CSDC2: variants seen among roughly 807,000 people sequenced by gnomAD.
The protein encoded by CSDC2 is cold shock domain-containing protein C2.
Under a neutral mutation model 15.8 loss-of-function variants are expected in CSDC2, and 8 were observed. That is an observed-to-expected ratio of 0.51 (90% confidence interval 0.30 to 0.92). The LOEUF (loss-of-function observed/expected upper bound fraction) is 0.92. Ranked by LOEUF, CSDC2 falls within the 40% of genes least tolerant of loss-of-function variation. The pLI is 0.07. For synonymous variants in CSDC2, 96 were observed against 92.3 expected (o/e 1.04, Z -0.23); for missense variants, 195 against 213.3 (o/e 0.91, Z 0.53).
Position 41,574,846 on chromosome 22 carries a change from C to A in CSDC2, c.413C>A (p.Ala138Asp), listed in dbSNP as rs779530106. The A allele has an allele frequency of 6.2e-7, 1 of 1,611,190 alleles. No individual in the cohort carries two copies. The highest frequency in any genetic ancestry group is 8.5e-7 in the Non-Finnish European group (1 of 1,178,940). The change falls in exon 4 of 4, where the codon GCC (alanine) becomes GAC (aspartate). Residue 138 changes from alanine (A) to aspartate (D), a missense_variant. Ala to Asp is a moderately radical substitution (Grantham distance 126). Coordinates refer to ENST00000306149, the MANE Select transcript of CSDC2 (RefSeq NM_014460.4). Reference protein sequence around the residue: ...QAVEVVLTQLAPHTPHETWSG... With the variant: ...QAVEVVLTQLDPHTPHETWSG... ...GTGGAGGTGGTGCTCACTCAGCTGG[C>A]CCCCCACACTCCCCACGAGACGTGG...
chr22:41,564,896 G>A (rs1449329118), intron 1 of CSDC2, among the ~76,000 whole-genome samples: 1 of 152,122 alleles, frequency 6.6e-6, no homozygotes, highest in Non-Finnish European at 1.5e-5. Flanking sequence ...AGTCAGGCGC[G>A]GTGGCTCACA....
intron 1 of CSDC2, among the ~76,000 whole-genome samples, chr22:41,563,796 G>A (rs1373690921): frequency 6.6e-6 from 1 of 152,060 alleles, no homozygotes; most frequent in African/African-American, 2.4e-5. Flanking sequence ...ACTAAGCCAG[G>A]CGCAGTGGCT....
At chr22:41,571,078 C>T (rs1289878480) in intron 1 of CSDC2, among the ~76,000 whole-genome samples, 3 of 151,704 alleles carry the variant, frequency 2.0e-5, no homozygotes, top group South Asian at 2.1e-4. Flanking sequence ...ATGCGCTGGA[C>T]GAGTTGGCTC....
chr22:41,567,458 C>T (rs1406022155), intron 1 of CSDC2, among the ~76,000 whole-genome samples: 1 of 152,246 alleles, frequency 6.6e-6, no homozygotes, highest in Non-Finnish European at 1.5e-5. Context: ...ACATGGCATT[C>T]AGCCAATGAA....
At chr22:41,561,212 C>G (rs12484315) in intron 1 of CSDC2, 29 bp downstream of exon 1, 5,881 of 152,686 alleles carry the variant, frequency 0.039, 550 homozygotes, top group Admixed American at 0.22. Context: ...CCTGAGGACA[C>G]TGTGCCAGAA....
Position 41,574,825 on chromosome 22 carries a change from A to G in CSDC2, c.392A>G (p.Glu131Gly). The change falls in exon 4 of 4, where the codon GAG becomes GGG. Residue 131 changes from glutamate to glycine, a missense_variant. Coordinates refer to ENST00000306149, the MANE Select transcript of CSDC2 (RefSeq NM_014460.4). ...PPKNQKFQAV[E>G]VVLTQLAPHT... is the part of the protein sequence containing the mutation. ...AAGAACCAGAAGTTCCAGGCCGTGG[A>G]GGTGGTGCTCACTCAGCTGGCCCCC... The G allele has an allele frequency of 6.2e-7, 1 of 1,613,270 alleles. No homozygotes were observed. The highest frequency in any genetic ancestry group is 8.5e-7 in the Non-Finnish European group (1 of 1,179,832).
intron 1 of CSDC2, among the ~76,000 whole-genome samples, chr22:41,563,860 G>C: frequency 1.3e-5 from 2 of 151,410 alleles, no homozygotes; most frequent in South Asian, 4.2e-4. Flanking sequence ...TCACGAGGTC[G>C]GGAGATCGAG....
In CSDC2 at chr22:41,566,466, A is replaced by AC. The variant is rs1414333876; in HGVS notation, c.-124+5283_-124+5284insC. Reference sequence around the variant, plus strand: ...TAAAAAAAAAAAAAAAAAAAAAAAAAACACACAAAAATTAGCTGGGTGTGG... The same window carrying AC: ...TAAAAAAAAAAAAAAAAAAAAAAAAACACACACAAAAATTAGCTGGGTGTGG... On this transcript the variant is annotated intron_variant, in intron 1 of 3. Transcript: ENST00000306149. Among the ~76,000 whole-genome samples the AC allele has an allele frequency of 1.0e-3, 140 of 133,932 alleles. 11 individuals carry two copies. Among genetic ancestry groups the AC allele is most frequent in the Non-Finnish European group, 1.4e-3 (88 of 63,640 alleles). The allele number at this position is 133,932 out of a possible 152,430, so 87.9% of individuals were successfully genotyped here. A position where few individuals can be genotyped will look rare whatever the true frequency, so the allele number is the denominator to read the frequency against.
At chr22:41,571,559 C>A (rs1057468946) in intron 1 of CSDC2, among the ~76,000 whole-genome samples, 1 of 152,160 alleles carries the variant, frequency 6.6e-6, no homozygotes, top group Non-Finnish European at 1.5e-5. Context: ...AAACAACTGA[C>A]CCTTATGCCG....
intron 1 of CSDC2, among the ~76,000 whole-genome samples, chr22:41,564,014 G>T (rs901259941): frequency 1.3e-5 from 2 of 150,652 alleles, no homozygotes; most frequent in Admixed American, 1.3e-4. Context: ...AACCTGGGAG[G>T]CGGAGCTTGC....
intron 1 of CSDC2, among the ~76,000 whole-genome samples, chr22:41,564,298 C>T (rs907799203): frequency 5.9e-5 from 9 of 151,548 alleles, no homozygotes; most frequent in African/African-American, 2.2e-4. Context: ...CTTGCTGTGT[C>T]GCCCAGGCTG....
At position 41,572,000 on chromosome 22, in the gene CSDC2, C is replaced by T. The variant is rs2067147526; in HGVS notation, c.35C>T (p.Pro12Leu). 1 of 1,364,494 alleles carries T rather than the reference C, an allele frequency of 7.3e-7. No homozygotes were observed. Among genetic ancestry groups the T allele is most frequent in the Non-Finnish European group, 9.5e-7 (1 of 1,057,162 alleles). 84.5% of individuals were successfully genotyped at this position (1,364,494 alleles called of 1,614,324 possible). Residue 12 changes from proline to leucine, a missense_variant, in exon 2 of 4, where the codon CCC (proline) becomes CTC (leucine). Physicochemically the swap from Pro to Leu is moderately conservative, Grantham distance 98 (BLOSUM62 -3). Transcript: ENST00000306149. ...TSESTSPPVV[P>L]PLHSPKSPVW... ...GAGTCGACGTCACCCCCAGTTGTGCCCCCGCTCCACTCCCCCAAGTCCCCA... is the reference window on the plus strand; with the variant it reads ...GAGTCGACGTCACCCCCAGTTGTGCTCCCGCTCCACTCCCCCAAGTCCCCA...
chr22:41,574,339 C>T (rs1234722176), intron 3 of CSDC2, among the ~76,000 whole-genome samples: 1 of 152,240 alleles, frequency 6.6e-6, no homozygotes, highest in Non-Finnish European at 1.5e-5. Context: ...AATCTCGGCT[C>T]AGTGCAACCT....
intron 1 of CSDC2, 126 bp from the exon 2 acceptor site, chr22:41,571,717 G>A (rs1473462444): frequency 5.4e-6 from 2 of 373,054 alleles, no homozygotes; most frequent in Non-Finnish European, 9.5e-6. Context: ...ACCACGATGG[G>A]GTCGTTTGTG....
intron 1 of CSDC2, among the ~76,000 whole-genome samples, chr22:41,562,987 G>A (rs1601989559): frequency 1.3e-5 from 2 of 152,138 alleles, no homozygotes; most frequent in African/African-American, 4.8e-5. Flanking sequence ...AAGCACAGGT[G>A]GGACTGGGGT....
intron 1 of CSDC2, among the ~76,000 whole-genome samples, chr22:41,565,091 G>A (rs942324917): frequency 7.9e-5 from 12 of 151,984 alleles, no homozygotes; most frequent in Non-Finnish European, 1.5e-4. Flanking sequence ...ACTTGAACCC[G>A]GGAGGCAGAG....
intron 1 of CSDC2, among the ~76,000 whole-genome samples, chr22:41,569,288 A>G (rs5996037): frequency 0.26 from 39,377 of 152,066 alleles, 5,883 homozygotes; most frequent in Admixed American, 0.44. Context: ...GATATCGTTC[A>G]TATACCATAA....
At position 41,561,053 on chromosome 22, in the gene CSDC2, C is replaced by G. The variant is rs370966152; in HGVS notation, c.-254C>G. The G allele has an allele frequency of 0.018, 1,979 of 112,440 alleles. 47 individuals carry two copies. Among genetic ancestry groups the G allele is most frequent in the African/African-American group, 0.071 (1,895 of 26,636 alleles). The allele number at this position is 112,440 out of a possible 1,614,324, so 7.0% of individuals were successfully genotyped here. ...CCGCGCGAGCACACACAGACACACA[C>G]ACACACACACACACACACACACACA... On this transcript the variant is annotated 5_prime_UTR_variant, in exon 1 of 4. Transcript: ENST00000306149.
intron 1 of CSDC2, among the ~76,000 whole-genome samples, chr22:41,571,028 A>G (rs1418397646): frequency 3.3e-5 from 5 of 151,666 alleles, no homozygotes; most frequent in African/African-American, 7.3e-5. Flanking sequence ...CCCATTTTAC[A>G]GAACAGAAAA....
Sources: allele counts gnomAD v4.1 joint callset (sites outside exome capture counted in the v4.1 genomes callset), GRCh38; gene constraint gnomAD v4.1.1; transcripts MANE v1.5; gene names NCBI Gene and HGNC (gene_info 2026-07-23, HGNC 2026-07-21).